The following TBC1D22A variants were observed in gnomAD, a reference collection of about 807,000 sequenced individuals.
The protein encoded by TBC1D22A is TBC1 domain family member 22A.
TBC1D22A carries 38 observed loss-of-function variants against 60.2 expected under a neutral mutation model. The ratio of observed to expected loss-of-function variants is 0.63; its 90% CI spans 0.49 to 0.83. The LOEUF (loss-of-function observed/expected upper bound fraction) is 0.83, where lower values mean the gene tolerates loss of function less well. Among genes scored for constraint, TBC1D22A ranks in the 40% least tolerant of loss-of-function variants. The pLI, the probability that TBC1D22A is intolerant of heterozygous loss-of-function variation, is 0.00. For missense variants in TBC1D22A, 628 were observed against 701.0 expected (o/e 0.90, Z 1.18); for synonymous variants, 302 against 281.7 (o/e 1.07, Z -0.72).
chr22:46,865,658 C>G (rs1388426608), intron 4 of TBC1D22A, among the ~76,000 whole-genome samples: 2 of 152,236 alleles, frequency 1.3e-5, no homozygotes, highest in Admixed American at 1.3e-4. Flanking sequence ...ATCCAGATTC[C>G]CCTGCACAGG....
intron 12 of TBC1D22A, among the ~76,000 whole-genome samples, chr22:47,155,257 C>T (rs2067666730): frequency 6.6e-6 from 1 of 152,112 alleles, no homozygotes; most frequent in Admixed American, 6.5e-5. Flanking sequence ...GTATACATCG[C>T]TGTGCCATGA....
intron 4 of TBC1D22A, among the ~76,000 whole-genome samples, chr22:46,867,031 A>G (rs971779640): frequency 2.6e-5 from 4 of 152,238 alleles, no homozygotes; most frequent in Non-Finnish European, 5.9e-5. Context: ...TTGTCATTTC[A>G]TGACAGCTGT....
At chr22:46,987,667 G>A (rs915959970) in intron 9 of TBC1D22A, among the ~76,000 whole-genome samples, 1 of 152,184 alleles carries the variant, frequency 6.6e-6, no homozygotes, top group African/African-American at 2.4e-5. Flanking sequence ...TAGAAAATGC[G>A]AATGATCATC....
intron 12 of TBC1D22A, among the ~76,000 whole-genome samples, chr22:47,147,525 G>A (rs562272881): frequency 7.2e-5 from 11 of 152,204 alleles, no homozygotes; most frequent in Non-Finnish European, 1.3e-4. Context: ...CTGGGACATC[G>A]TGAGGACCCA....
intron 5 of TBC1D22A, among the ~76,000 whole-genome samples, chr22:46,882,405 G>T (rs369391490): frequency 4.6e-5 from 7 of 152,158 alleles, no homozygotes; most frequent in Non-Finnish European, 1.5e-5. Flanking sequence ...GGGTTCTCAC[G>T]TGTGCCCAGG....
chr22:47,050,922 C>T (rs935777467), intron 11 of TBC1D22A, among the ~76,000 whole-genome samples: 5 of 152,008 alleles, frequency 3.3e-5, no homozygotes, highest in African/African-American at 4.8e-5. Flanking sequence ...ATGAGGAGGG[C>T]GGCCACACCA....
chr22:46,867,337 C>G (rs1305625380), intron 4 of TBC1D22A, among the ~76,000 whole-genome samples: 1 of 152,176 alleles, frequency 6.6e-6, no homozygotes, highest in East Asian at 1.9e-4. Context: ...CTGGCACAAC[C>G]TCTGGGCTGT....
intron 9 of TBC1D22A, among the ~76,000 whole-genome samples, chr22:46,995,171 C>T (rs58451174): frequency 0.013 from 1,988 of 152,242 alleles, 42 homozygotes; most frequent in African/African-American, 0.045. Context: ...TCCCCAGGCC[C>T]GGGAGCAGTC....
At chr22:47,097,139 C>T (rs6008035) in intron 11 of TBC1D22A, among the ~76,000 whole-genome samples, 1,054 of 65,244 alleles carry the variant, frequency 0.016, 9 homozygotes, top group African/African-American at 0.078. Flanking sequence ...TGTCCGGGGC[C>T]TAGGCCACGT....
At chr22:47,100,160 T>C (rs535268262) in intron 11 of TBC1D22A, among the ~76,000 whole-genome samples, 1 of 152,300 alleles carries the variant, frequency 6.6e-6, no homozygotes, top group South Asian at 2.1e-4. Flanking sequence ...CGGTCCTGGC[T>C]TGTTCTTAGT....
chr22:46,876,886 G>C (rs2067593370), intron 4 of TBC1D22A, among the ~76,000 whole-genome samples: 3 of 152,242 alleles, frequency 2.0e-5, no homozygotes. Flanking sequence ...CTATGAGGAT[G>C]GTCATGTGGC....
In TBC1D22A at chr22:47,131,861, G is replaced by A. The variant is rs539852767; in HGVS notation, c.1425+20258G>A. Among the ~76,000 whole-genome samples, 16 of 152,284 alleles carry A rather than the reference G, an allele frequency of 1.1e-4. No individual in the cohort carries two copies. The South Asian group carries it at 3.1e-3, about 30-fold the overall frequency. On this transcript the variant is annotated intron_variant, in intron 12 of 12. Transcript: ENST00000337137. ...GTGAGTGCACAGTCCCGGGGCGCCC[G>A]CCCCGTCCAAGCCCAGCTGTGCTTG...
chr22:47,143,335 C>A (rs1045195911), intron 12 of TBC1D22A, among the ~76,000 whole-genome samples: 2 of 152,210 alleles, frequency 1.3e-5, no homozygotes, highest in African/African-American at 4.8e-5. Context: ...GAGTACTTGG[C>A]AGTGACCCTT....
intron 9 of TBC1D22A, among the ~76,000 whole-genome samples, chr22:46,996,474 G>A (rs1362290603): frequency 6.6e-6 from 1 of 152,234 alleles, no homozygotes; most frequent in East Asian, 1.9e-4. Context: ...TCCACGGGTG[G>A]TTCATGGATT....
chr22:47,005,155 A>C (rs2061542781), intron 10 of TBC1D22A, among the ~76,000 whole-genome samples: 1 of 151,802 alleles, frequency 6.6e-6, no homozygotes, highest in African/African-American at 2.4e-5. Flanking sequence ...ACATGCCTGT[A>C]TATACACATA....
rs978332003 is a variant in TBC1D22A, at chr22:47,037,307, G to C, written c.1329+109G>C. On this transcript the variant is annotated intron_variant, in intron 11 of 12. Transcript: ENST00000337137. Reference sequence around the variant, plus strand: ...CTGCATTCGATTTTTTCTTCCAAGCGCTCTCTCCATTGAAATGCGGTCTTT... The same window carrying C: ...CTGCATTCGATTTTTTCTTCCAAGCCCTCTCTCCATTGAAATGCGGTCTTT... The C allele has an allele frequency of 2.0e-6, 3 of 1,464,668 alleles. No individual in the cohort carries two copies. The African/African-American group carries it at 4.2e-5, about 21-fold the overall frequency. The allele number at this position is 1,464,668 out of a possible 1,614,324, so 90.7% of individuals were successfully genotyped here. A position where few individuals can be genotyped will look rare whatever the true frequency, so the allele number is the denominator to read the frequency against.
intron 5 of TBC1D22A, among the ~76,000 whole-genome samples, chr22:46,880,338 T>C (rs905747728): frequency 1.3e-5 from 2 of 152,352 alleles, no homozygotes; most frequent in East Asian, 3.9e-4. Flanking sequence ...TGTGCATCTG[T>C]CTCAGTGAGC....
intron 4 of TBC1D22A, among the ~76,000 whole-genome samples, chr22:46,823,897 T>C (rs1418429278): frequency 6.6e-6 from 1 of 152,130 alleles, no homozygotes; most frequent in Non-Finnish European, 1.5e-5. Context: ...ACAAGTGGGA[T>C]GGACAGTGGA....
At chr22:47,090,962 AC>A (rs2064920306) in intron 11 of TBC1D22A, among the ~76,000 whole-genome samples, 1 of 135,456 alleles carries the variant, frequency 7.4e-6, no homozygotes, top group African/African-American at 2.9e-5. Flanking sequence ...AGAGACAGGC[AC>A]GAGAAGTTGT....
Sources: gnomAD v4.1 joint callset for allele counts (sites outside exome capture counted in the v4.1 genomes callset) on GRCh38, gnomAD v4.1.1 for gene constraint, MANE v1.5 for transcripts, NCBI Gene and HGNC (gene_info 2026-07-23, HGNC 2026-07-21) for gene names.